Variants in KDM5A observed in about 807,000 individuals in gnomAD.
KDM5A encodes lysine demethylase 5A.
Under a neutral mutation model 193.5 loss-of-function variants are expected in KDM5A, and 42 were observed. That is an observed-to-expected ratio of 0.22 (90% CI 0.17 to 0.28). The LOEUF is 0.28. KDM5A is among the 10% of genes least tolerant of loss of function. The pLI is 1.00. For missense variants in KDM5A, 1,692 were observed against 2,055.1 expected (o/e 0.82, Z 3.42); for synonymous variants, 796 against 718.1 (o/e 1.11, Z -1.73).
At position 310,986 on chromosome 12, in the gene KDM5A, C is replaced by T. The variant is rs1432154007; in HGVS notation, c.3115G>A (p.Ala1039Thr). Residue 1039 changes from alanine to threonine, a missense_variant, in exon 21 of 28, where the codon GCA becomes ACA. By Grantham distance (58) the Ala-to-Thr change is moderately conservative. This residue lies in a region of KDM5A where 965 missense variants were observed against 1,061.0 expected (regional missense o/e 0.91). Transcript: ENST00000399788. The stretch of plus-strand genomic sequence containing the variant: ...ACCTGTGATTCCACTTGCGGCAGTG[C>T]TTCAAGACGCACAGGAATAGGGCGT... Reference protein sequence around the residue: ...KGRPIPVRLEALPQVESQVAA... With the variant: ...KGRPIPVRLETLPQVESQVAA... 1 of 1,614,214 alleles carries T rather than the reference C, an allele frequency of 6.2e-7. No homozygotes were observed. Among genetic ancestry groups the T allele is most frequent in the East Asian group, 2.2e-5 (1 of 44,892 alleles).
In KDM5A at chr12:335,878, C is replaced by T. The variant is rs560986789; in HGVS notation, c.1309-1456G>A. Reference sequence around the variant, plus strand: ...CCAACATAGTGAAACCCTGTCTCTACTAAAAATACAAAAAATTAGCTGGGC... The same window carrying T: ...CCAACATAGTGAAACCCTGTCTCTATTAAAAATACAAAAAATTAGCTGGGC... On this transcript the variant is annotated intron_variant, in intron 10 of 27. Transcript: ENST00000399788. Among the ~76,000 whole-genome samples the T allele has an allele frequency of 1.1e-3, 168 of 150,842 alleles. 2 individuals are homozygous for T. The highest frequency in any genetic ancestry group is 4.0e-3 in the African/African-American group (163 of 41,026).
At chr12:299,576 C>G (rs1943416783) in intron 24 of KDM5A, among the ~76,000 whole-genome samples, 1 of 152,134 alleles carries the variant, frequency 6.6e-6, no homozygotes, top group Non-Finnish European at 1.5e-5. Context: ...ACAATCGGTA[C>G]CAGTCACTGG....
intron 17 of KDM5A, 58 bp downstream of exon 17, chr12:322,359 G>T: frequency 6.3e-7 from 1 of 1,578,314 alleles, no homozygotes; most frequent in East Asian, 2.2e-5. Context: ...TAAAATTTTG[G>T]TTTTTACTCT....
At chr12:370,923 T>C (rs920336280) in intron 3 of KDM5A, among the ~76,000 whole-genome samples, 4 of 152,242 alleles carry the variant, frequency 2.6e-5, no homozygotes, top group Non-Finnish European at 4.4e-5. Context: ...GCTTCATCCA[T>C]GTCCCTGGAA....
In KDM5A at chr12:319,353, A is replaced by G. The variant is rs573571514; in HGVS notation, c.2542-892T>C. ...TAGTTTAGGCAACGGAGAGGACAATAAACGGTTTGCTTTGGGATATATTTT... is the reference window on the plus strand; with the variant it reads ...TAGTTTAGGCAACGGAGAGGACAATGAACGGTTTGCTTTGGGATATATTTT... On this transcript the variant is annotated intron_variant, in intron 18 of 27. Coordinates refer to ENST00000399788, the MANE Select transcript of KDM5A (RefSeq NM_001042603.3). Among the ~76,000 whole-genome samples, 53 of 152,334 alleles carry G rather than the reference A, an allele frequency of 3.5e-4. 1 individual carries two copies. Among genetic ancestry groups the G allele is most frequent in the Non-Finnish European group, 8.8e-5 (6 of 68,034 alleles).
intron 3 of KDM5A, among the ~76,000 whole-genome samples, chr12:382,516 T>C (rs535837197): frequency 3.4e-4 from 51 of 151,670 alleles, no homozygotes; most frequent in African/African-American, 1.2e-3. Flanking sequence ...TAAATAAGAA[T>C]AAATTTTTAT....
chr12:382,355 C>T (rs113992462), intron 3 of KDM5A, among the ~76,000 whole-genome samples: 12 of 151,510 alleles, frequency 7.9e-5, no homozygotes, highest in African/African-American at 2.4e-4. Flanking sequence ...CACTTGAACC[C>T]GGGAGGCTGA....
Position 313,044 on chromosome 12 carries a change from A to G in KDM5A, c.3036+12T>C. 3 of 1,614,054 alleles carry G rather than the reference A, an allele frequency of 1.9e-6. No individual in the cohort carries two copies. The highest frequency in any genetic ancestry group is 2.5e-6 in the Non-Finnish European group (3 of 1,179,898). ...TTACCTGATAGGTGGGATAATCCAA[A>G]AGTCTTCTTACCTGAATAGCTTCCA... On this transcript the variant is annotated intron_variant, in intron 20 of 27. Coordinates refer to ENST00000399788, the MANE Select transcript of KDM5A (RefSeq NM_001042603.3).
chr12:314,201 C>T (rs1943622958), intron 19 of KDM5A, among the ~76,000 whole-genome samples: 1 of 150,712 alleles, frequency 6.6e-6, no homozygotes, highest in African/African-American at 2.5e-5. Flanking sequence ...CCTCATGAAA[C>T]CTTTCATTTA....
At chr12:293,785 A>AG (rs1943334112) in intron 26 of KDM5A, among the ~76,000 whole-genome samples, 1 of 121,380 alleles carries the variant, frequency 8.2e-6, no homozygotes, top group South Asian at 4.6e-4. Flanking sequence ...TCTCAAAAAA[A>AG]AAAGGGGGGG....
chr12:373,131 CTT>C (rs1451250816), intron 3 of KDM5A, among the ~76,000 whole-genome samples: 15 of 152,218 alleles, frequency 9.9e-5, no homozygotes, highest in African/African-American at 3.6e-4. Context: ...AGAATTCCCT[CTT>C]GTTCTATTGA....
At chr12:367,928 C>A (rs1236098529) in intron 3 of KDM5A, among the ~76,000 whole-genome samples, 1 of 151,438 alleles carries the variant, frequency 6.6e-6, no homozygotes, top group East Asian at 1.9e-4. Context: ...AATTTCACTT[C>A]TAGATATATA....
intron 3 of KDM5A, among the ~76,000 whole-genome samples, chr12:379,996 CG>C (rs1272905962): frequency 6.6e-6 from 1 of 152,172 alleles, no homozygotes; most frequent in Non-Finnish European, 1.5e-5. Flanking sequence ...CAGCCGGGCA[CG>C]GTGGCTTGCA....
At chr12:372,526 G>A (rs1944442248) in intron 3 of KDM5A, among the ~76,000 whole-genome samples, 1 of 152,196 alleles carries the variant, frequency 6.6e-6, no homozygotes. Context: ...ATACAGTCAT[G>A]TCATCTGCAA....
At position 292,810 on chromosome 12, in the gene KDM5A, A is replaced by G. The variant is rs758384856; in HGVS notation, c.4815T>C (p.Asp1605=). ...YDWSGAEESD[D]ENAVCAAQNC... is the part of the protein sequence containing the mutation. ...TCTGTGCTGCGCACACAGCATTCTC[A>G]TCATCAGACTCCTCTGCTCCTGACC... The change falls in exon 27 of 28, where the codon GAT becomes GAC. Residue 1605 remains aspartate, a synonymous_variant. Transcript: ENST00000399788. 2.5e-6 allele frequency: 4 copies of G among 1,614,042 alleles called. No homozygotes were observed. The highest frequency in any genetic ancestry group is 3.4e-6 in the Non-Finnish European group (4 of 1,180,022).
chr12:354,856 A>C (rs118050998), intron 7 of KDM5A, among the ~76,000 whole-genome samples: 178 of 152,278 alleles, frequency 1.2e-3, no homozygotes, highest in Non-Finnish European at 1.9e-3. Context: ...CCATATACAA[A>C]TCCTCTTTGA....
At chr12:312,834 T>C (rs750534981) in intron 20 of KDM5A, among the ~76,000 whole-genome samples, 1 of 152,206 alleles carries the variant, frequency 6.6e-6, no homozygotes, top group African/African-American at 2.4e-5. Flanking sequence ...TCATACCACA[T>C]ATTGCTAGCC....
chr12:324,864 C>T (rs1257715523), intron 14 of KDM5A, among the ~76,000 whole-genome samples: 2 of 150,940 alleles, frequency 1.3e-5, no homozygotes, highest in African/African-American at 4.9e-5. Flanking sequence ...CAGAGCGAGA[C>T]TCCATCTCAA....
intron 14 of KDM5A, among the ~76,000 whole-genome samples, chr12:324,670 C>A (rs563499812): frequency 1.3e-5 from 2 of 152,164 alleles, no homozygotes; most frequent in Non-Finnish European, 2.9e-5. Context: ...ATCAGGAGTT[C>A]AAGACCAGCC....
Sources: gnomAD v4.1 joint callset for allele counts (sites outside exome capture counted in the v4.1 genomes callset) on GRCh38, gnomAD v4.1.1 for gene constraint, gnomAD v4.1.1 regional missense constraint, MANE v1.5 for transcripts, NCBI Gene and HGNC (gene_info 2026-07-23, HGNC 2026-07-21) for gene names.